LOC122539214: variants seen among roughly 807,000 people sequenced by gnomAD.
the LOC122539214 span, among the ~76,000 whole-genome samples, chr19:52,673,930 T>C: frequency 2.0e-5 from 3 of 146,616 alleles, no homozygotes; most frequent in African/African-American, 7.6e-5. Flanking sequence ...GCAGGAGAAT[T>C]GGTTGAAGCT....
chr19:52,653,224 C>T, the LOC122539214 span: 3 of 1,535,174 alleles, frequency 2.0e-6, no homozygotes, highest in South Asian at 3.3e-5. Context: ...ACACTCATTA[C>T]ACTTGTAAGG....
the LOC122539214 span, among the ~76,000 whole-genome samples, chr19:52,653,691 A>AG: frequency 2.0e-5 from 3 of 151,972 alleles, no homozygotes; most frequent in Admixed American, 6.5e-5. Flanking sequence ...GGCGTGTAAG[A>AG]GATGACTTGT....
At chr19:52,673,404 G>A in the LOC122539214 span, among the ~76,000 whole-genome samples, 1 of 152,172 alleles carries the variant, frequency 6.6e-6, no homozygotes, top group Non-Finnish European at 1.5e-5. Context: ...TCAGGAGGCT[G>A]TGGCAGGAGA....
chr19:52,684,071 T>C, the LOC122539214 span, among the ~76,000 whole-genome samples: 1 of 151,982 alleles, frequency 6.6e-6, no homozygotes, highest in Admixed American at 6.6e-5. Flanking sequence ...CTGTCTCTAC[T>C]AAAAATACAA....
chr19:52,662,382 G>A, the LOC122539214 span, among the ~76,000 whole-genome samples: 1 of 152,128 alleles, frequency 6.6e-6, no homozygotes, highest in Admixed American at 6.5e-5. Context: ...GAGCTGAGGA[G>A]CCAACTGAAC....
the LOC122539214 span, among the ~76,000 whole-genome samples, chr19:52,668,228 C>A: frequency 5.3e-5 from 8 of 152,024 alleles, no homozygotes; most frequent in Admixed American, 5.2e-4. Context: ...TAGGAAGGAC[C>A]CTATCTTGTG....
the LOC122539214 span, among the ~76,000 whole-genome samples, chr19:52,684,554 AAG>A: frequency 0.016 from 2,217 of 142,490 alleles, 92 homozygotes; most frequent in African/African-American, 0.057. Flanking sequence ...TGTCTAAAAA[AAG>A]AAAAAAAAAG....
At chr19:52,651,975 T>C in the LOC122539214 span, 3 of 187,462 alleles carry the variant, frequency 1.6e-5, no homozygotes, top group Admixed American at 6.3e-5. Context: ...TCAATTAAAG[T>C]TTGTCATTTT....
At chr19:52,659,108 C>G in the LOC122539214 span, among the ~76,000 whole-genome samples, 36 of 152,214 alleles carry the variant, frequency 2.4e-4, no homozygotes, top group Admixed American at 2.2e-3. Flanking sequence ...AGCTAATGCC[C>G]TCTTGTGAGG....
the LOC122539214 span, chr19:52,654,511 T>G: frequency 4.2e-6 from 2 of 480,704 alleles, no homozygotes; most frequent in South Asian, 1.3e-4. Context: ...ATTTTAAAAT[T>G]CCCAAATATG....
At chr19:52,669,486 T>C in the LOC122539214 span, among the ~76,000 whole-genome samples, 20 of 152,206 alleles carry the variant, frequency 1.3e-4, no homozygotes, top group Non-Finnish European at 2.2e-4. Context: ...CAGCCAGATG[T>C]CTTGGGAAAA....
chr19:52,659,613 C>CAAAAAAAAAAAAAA, the LOC122539214 span, among the ~76,000 whole-genome samples: 13 of 114,240 alleles, frequency 1.1e-4, no homozygotes, highest in South Asian at 3.0e-4. Context: ...GACTCCAACT[C>CAAAAAAAAAAAAAA]AAAAAAAAAA....
chr19:52,671,282 C>A, the LOC122539214 span, among the ~76,000 whole-genome samples: 1 of 152,000 alleles, frequency 6.6e-6, no homozygotes, highest in Non-Finnish European at 1.5e-5. Flanking sequence ...TTCTCAAATA[C>A]TTTTTTTTAC....
At chr19:52,656,631 G>T in the LOC122539214 span, among the ~76,000 whole-genome samples, 1 of 152,270 alleles carries the variant, frequency 6.6e-6, no homozygotes, top group Non-Finnish European at 1.5e-5. Flanking sequence ...ACTTATGGAG[G>T]CTGAGGCATG....
the LOC122539214 span, among the ~76,000 whole-genome samples, chr19:52,661,772 T>C: frequency 6.6e-6 from 1 of 152,026 alleles, no homozygotes; most frequent in African/African-American, 2.4e-5. Flanking sequence ...ACAGGTAACA[T>C]GGACCAGAGG....
the LOC122539214 span, chr19:52,655,668 T>C: frequency 7.1e-6 from 9 of 1,272,252 alleles, no homozygotes; most frequent in Non-Finnish European, 1.0e-5. Flanking sequence ...TATAGCCACA[T>C]CCCTGAAAGT....
the LOC122539214 span, among the ~76,000 whole-genome samples, chr19:52,670,156 G>A: frequency 1.3e-5 from 2 of 151,162 alleles, no homozygotes; most frequent in African/African-American, 4.9e-5. Context: ...GCTCCACCCT[G>A]CCTCATTCCA....
chr19:52,666,496 G>C, the LOC122539214 span, among the ~76,000 whole-genome samples: 1 of 151,786 alleles, frequency 6.6e-6, no homozygotes, highest in Non-Finnish European at 1.5e-5. Flanking sequence ...AGTAAACCGC[G>C]GATGGCCCAA....
At chr19:52,671,690 A>G in the LOC122539214 span, among the ~76,000 whole-genome samples, 1 of 152,120 alleles carries the variant, frequency 6.6e-6, no homozygotes, top group South Asian at 2.1e-4. Context: ...CGATCAACCC[A>G]CCTTTGCTTC....
Sources: allele counts gnomAD v4.1 joint callset (sites outside exome capture counted in the v4.1 genomes callset), GRCh38; gene constraint gnomAD v4.1.1; transcripts MANE v1.5.